Variants in PPFIA2 observed in about 807,000 individuals in gnomAD.
The protein encoded by PPFIA2 is liprin-alpha-2.
A neutral mutation model predicts 175.5 loss-of-function variants in PPFIA2; 46 were observed. The ratio of observed to expected loss-of-function variants is 0.26; its 90% CI spans 0.21 to 0.34. PPFIA2 has a LOEUF of 0.34. PPFIA2 is among the 10% of genes least tolerant of loss of function. PPFIA2 has a pLI of 1.00. For missense variants in PPFIA2, 1,179 were observed against 1,506.1 expected, an observed-to-expected ratio of 0.78 and a Z score of 3.60; for synonymous variants, 568 against 511.4, an observed-to-expected ratio of 1.11 and a Z score of -1.49.
chr12:81,440,813 G>GATATATATATATAT (rs142582712), intron 6 of PPFIA2, among the ~76,000 whole-genome samples: 7 of 143,120 alleles, frequency 4.9e-5, no homozygotes, highest in African/African-American at 1.8e-4. Context: ...TATATGTCCT[G>GATATATATATATAT]ATATATATAT....
At chr12:81,668,084 T>C (rs765428168) in intron 4 of PPFIA2, among the ~76,000 whole-genome samples, 9 of 152,076 alleles carry the variant, frequency 5.9e-5, no homozygotes, top group Non-Finnish European at 1.0e-4. Flanking sequence ...GCTACACAGA[T>C]CATTGACATA....
rs768985652 is a variant in PPFIA2, at chr12:81,754,182, G to A, written c.40C>T (p.Pro14Ser). The A allele has an allele frequency of 1.9e-6, 3 of 1,610,444 alleles. No individual in the cohort carries two copies. Among genetic ancestry groups the A allele is most frequent in the Admixed American group, 3.4e-5 (2 of 59,514 alleles). ...CTTTGGGACCCCCTTTGGCTCATTGGGGTGTCCTCATTAATCGTGGGCATC... is the reference window on the plus strand; with the variant it reads ...CTTTGGGACCCCCTTTGGCTCATTGAGGTGTCCTCATTAATCGTGGGCATC... ...EVMPTINEDT[P>S]MSQRGSQSSG... The change falls in exon 3 of 33, where the codon CCA (proline) becomes TCA (serine). Residue 14 changes from proline to serine, a missense_variant. This residue lies in a region of PPFIA2 where 128 missense variants were observed against 141.4 expected (regional missense o/e 0.91). Transcript: ENST00000549396.
intron 4 of PPFIA2, among the ~76,000 whole-genome samples, chr12:81,644,556 T>C (rs1177305313): frequency 1.3e-5 from 2 of 151,982 alleles, no homozygotes; most frequent in Admixed American, 6.6e-5. Context: ...ATTTTCAAAT[T>C]CTATTTTCTA....
At chr12:81,269,210 C>A (rs898228897) in intron 28 of PPFIA2, among the ~76,000 whole-genome samples, 4 of 151,292 alleles carry the variant, frequency 2.6e-5, no homozygotes, top group Non-Finnish European at 2.9e-5. Context: ...GTAAAATAGT[C>A]CGAAGGACTA....
At chr12:81,317,055 C>A (rs2052535535) in intron 22 of PPFIA2, among the ~76,000 whole-genome samples, 1 of 151,508 alleles carries the variant, frequency 6.6e-6, no homozygotes, top group Non-Finnish European at 1.5e-5. Flanking sequence ...ATGCATAGAA[C>A]AGTGCATTGC....
rs1273588912 is a variant in PPFIA2 at position 81,299,287 on chromosome 12, T to A, written c.2724+14A>T. ...AGTGATTGATTCAAGGGCCTCCTAG[T>A]TTCATTCTCTTACCTCTAGCCATGC... On this transcript the variant is annotated intron_variant, in intron 23 of 32. Coordinates refer to ENST00000549396, the MANE Select transcript of PPFIA2 (RefSeq NM_003625.5). 8.2e-6 allele frequency: 13 copies of A among 1,581,322 alleles called. No individual in the cohort carries two copies. The highest frequency in any genetic ancestry group is 1.0e-5 in the Non-Finnish European group (12 of 1,162,354).
chr12:81,445,050 A>C (rs764530926), intron 6 of PPFIA2, among the ~76,000 whole-genome samples: 15 of 152,148 alleles, frequency 9.9e-5, no homozygotes, highest in Admixed American at 3.3e-4. Context: ...AGAATATTCA[A>C]ATGAATATTT....
rs559830446 is a variant in PPFIA2 at position 81,268,563 on chromosome 12, T to C, written c.3311-476A>G. Among the ~76,000 whole-genome samples, 6 of 152,388 alleles carry C rather than the reference T, an allele frequency of 3.9e-5. 1 individual carries two copies. In the Middle Eastern group the frequency reaches 0.014, roughly 346 times the overall value. ...CTTCATTTGTGTGTAGTTACTGTTT[T>C]AATAATTAATCTTTTCGAGTCTCTA... On this transcript the variant is annotated intron_variant, in intron 28 of 32. Transcript: ENST00000549396.
At chr12:81,701,750 T>C (rs887460810) in intron 3 of PPFIA2, among the ~76,000 whole-genome samples, 1 of 151,850 alleles carries the variant, frequency 6.6e-6, no homozygotes, top group African/African-American at 2.4e-5. Context: ...TGTCAGTATG[T>C]TGTAAAAAAT....
intron 4 of PPFIA2, among the ~76,000 whole-genome samples, chr12:81,645,567 C>T (rs1246343840): frequency 6.6e-6 from 1 of 152,190 alleles, no homozygotes; most frequent in African/African-American, 2.4e-5. Context: ...GTAGGTAATT[C>T]TGAAAAGTAT....
At chr12:81,706,253 C>A (rs1023818579) in intron 3 of PPFIA2, among the ~76,000 whole-genome samples, 1 of 152,130 alleles carries the variant, frequency 6.6e-6, no homozygotes, top group Non-Finnish European at 1.5e-5. Context: ...AAGTTTAACA[C>A]TATGTACTGC....
intron 3 of PPFIA2, among the ~76,000 whole-genome samples, chr12:81,743,156 C>T (rs1011517062): frequency 4.0e-5 from 6 of 151,278 alleles, no homozygotes; most frequent in East Asian, 1.9e-4. Context: ...TGGTGGCTCA[C>T]GCCTGTAATC....
At chr12:81,564,117 A>G (rs2070794335) in intron 4 of PPFIA2, among the ~76,000 whole-genome samples, 1 of 152,220 alleles carries the variant, frequency 6.6e-6, no homozygotes, top group African/African-American at 2.4e-5. Flanking sequence ...AAATAGACAT[A>G]AGTATGAAAA....
rs188585614 is a variant in PPFIA2 at position 81,266,417 on chromosome 12, G to A, written c.3555+535C>T. The stretch of plus-strand genomic sequence containing the variant: ...ACTTAATATGCACATATTATATAGC[G>A]ATTCTTATATTCAATATAGCTTTCA... On this transcript the variant is annotated intron_variant, in intron 30 of 32. Transcript: ENST00000549396. Among the ~76,000 whole-genome samples, 169 of 152,100 alleles carry A rather than the reference G, an allele frequency of 1.1e-3. 1 individual carries two copies. The highest frequency in any genetic ancestry group is 3.4e-3 in the Middle Eastern group (1 of 294).
At chr12:81,506,870 T>C (rs1462100736) in intron 4 of PPFIA2, among the ~76,000 whole-genome samples, 1 of 152,210 alleles carries the variant, frequency 6.6e-6, no homozygotes, top group African/African-American at 2.4e-5. Flanking sequence ...ATGGCTGTGT[T>C]CCAGTAAAAC....
intron 28 of PPFIA2, chr12:81,270,646 T>C (rs1408320494): frequency 6.6e-6 from 1 of 152,200 alleles, no homozygotes; most frequent in African/African-American, 2.4e-5. Flanking sequence ...TAGCAGATTC[T>C]TTTCAGTAGC....
chr12:81,416,308 C>A (rs1326286193), intron 7 of PPFIA2, among the ~76,000 whole-genome samples: 2 of 151,400 alleles, frequency 1.3e-5, no homozygotes, highest in Admixed American at 6.6e-5. Flanking sequence ...AAGCAAGACT[C>A]AATTTAGAAT....
At chr12:81,651,325 G>A (rs750339933) in intron 4 of PPFIA2, among the ~76,000 whole-genome samples, 3 of 151,874 alleles carry the variant, frequency 2.0e-5, no homozygotes, top group Non-Finnish European at 4.4e-5. Flanking sequence ...CAAGAGAGAT[G>A]GAAAAACTGT....
intron 4 of PPFIA2, among the ~76,000 whole-genome samples, chr12:81,475,767 T>C (rs914397348): frequency 6.6e-6 from 1 of 152,114 alleles, no homozygotes; most frequent in Non-Finnish European, 1.5e-5. Context: ...GGCTGGAGTG[T>C]AGTGGCGCGA....
Sources: allele counts gnomAD v4.1 joint callset (sites outside exome capture counted in the v4.1 genomes callset), GRCh38; gene constraint gnomAD v4.1.1; regional missense constraint gnomAD v4.1.1; transcripts MANE v1.5; gene names NCBI Gene and HGNC (gene_info 2026-07-23, HGNC 2026-07-21).